The following INPP4B variants were observed in gnomAD, a reference collection of about 807,000 sequenced individuals.
INPP4B encodes the protein inositol polyphosphate 4-phosphatase type II.
A neutral mutation model predicts 122.5 loss-of-function variants in INPP4B; 55 were observed. That is an observed-to-expected ratio of 0.45 (90% CI 0.36 to 0.56). The LOEUF (loss-of-function observed/expected upper bound fraction) is 0.56, where lower values mean the gene tolerates loss of function less well. INPP4B is among the 20% of genes least tolerant of loss of function. The pLI is 0.00. For missense variants in INPP4B, 1,000 were observed against 1,097.7 expected (o/e 0.91, Z 1.26); for synonymous variants, 403 against 388.7 (o/e 1.04, Z -0.43).
intron 11 of INPP4B, among the ~76,000 whole-genome samples, chr4:142,242,877 T>C (rs1457478104): frequency 6.6e-6 from 1 of 152,174 alleles, no homozygotes. Context: ...ATGAGCTTTA[T>C]GTGTGGGGGG....
intron 9 of INPP4B, among the ~76,000 whole-genome samples, chr4:142,279,576 A>T (rs1750227826): frequency 6.6e-6 from 1 of 151,938 alleles, no homozygotes; most frequent in Non-Finnish European, 1.5e-5. Context: ...AACTTTACAA[A>T]TTAAACAAAA....
chr4:142,387,639 C>T (rs920779182), intron 7 of INPP4B, among the ~76,000 whole-genome samples: 1 of 152,086 alleles, frequency 6.6e-6, no homozygotes, highest in Non-Finnish European at 1.5e-5. Flanking sequence ...TCTTATCAGT[C>T]ACACTTCTAG....
intron 2 of INPP4B, among the ~76,000 whole-genome samples, chr4:142,502,519 G>C (rs185892567): frequency 6.6e-6 from 1 of 151,908 alleles, no homozygotes; most frequent in South Asian, 2.1e-4. Context: ...ATAGAGTTTC[G>C]CTCTTGTCAC....
chr4:142,798,494 T>C (rs898860690), intron 1 of INPP4B, among the ~76,000 whole-genome samples: 1 of 151,918 alleles, frequency 6.6e-6, no homozygotes, highest in African/African-American at 2.4e-5. Context: ...TGTTGGAAGA[T>C]GGAGTTAAGT....
intron 2 of INPP4B, among the ~76,000 whole-genome samples, chr4:142,708,780 C>T (rs913563565): frequency 1.3e-5 from 2 of 152,120 alleles, no homozygotes; most frequent in East Asian, 1.9e-4. Flanking sequence ...GTAAATGTGG[C>T]GTGAGAGGCC....
At chr4:142,414,689 C>G (rs1321927636) in intron 5 of INPP4B, among the ~76,000 whole-genome samples, 2 of 152,188 alleles carry the variant, frequency 1.3e-5, no homozygotes, top group Non-Finnish European at 2.9e-5. Flanking sequence ...GTGGCTGAGA[C>G]TCCATCCTCA....
chr4:142,187,298 GTTCT>G (rs1195508795), intron 15 of INPP4B, among the ~76,000 whole-genome samples: 6 of 151,730 alleles, frequency 4.0e-5, no homozygotes, highest in African/African-American at 7.3e-5. Flanking sequence ...GACAGAGAAT[GTTCT>G]TTCTGAAAAG....
At chr4:142,660,691 G>A (rs1174119147) in intron 2 of INPP4B, 1 of 152,070 alleles carries the variant, frequency 6.6e-6, no homozygotes, top group African/African-American at 2.4e-5. Flanking sequence ...CTGGTAAAGG[G>A]CCTCAGGATT....
At chr4:142,135,897 C>T (rs533967142) in intron 18 of INPP4B, among the ~76,000 whole-genome samples, 66 of 119,994 alleles carry the variant, frequency 5.5e-4, no homozygotes, top group South Asian at 4.5e-3. Flanking sequence ...CCCAGGTTCA[C>T]GCCATTCTCC....
intron 23 of INPP4B, 136 bp downstream of exon 23, chr4:142,107,957 T>C: frequency 1.7e-6 from 1 of 575,408 alleles, no homozygotes; most frequent in South Asian, 2.3e-5. Context: ...TCAGTCTTTT[T>C]GGATCAGATA....
At chr4:142,641,716 T>C (rs966453766) in intron 2 of INPP4B, among the ~76,000 whole-genome samples, 3 of 152,138 alleles carry the variant, frequency 2.0e-5, no homozygotes, top group African/African-American at 4.8e-5. Context: ...TGAGTAGTGC[T>C]GCAATAAACA....
At chr4:142,818,891 T>C (rs1476909207) in intron 1 of INPP4B, among the ~76,000 whole-genome samples, 1 of 152,216 alleles carries the variant, frequency 6.6e-6, no homozygotes, top group Non-Finnish European at 1.5e-5. Context: ...TCCACTGATA[T>C]CATATTGGCT....
chr4:142,095,088 A>C (rs565238686), intron 23 of INPP4B, among the ~76,000 whole-genome samples: 18 of 152,130 alleles, frequency 1.2e-4, no homozygotes, highest in Non-Finnish European at 2.2e-4. Context: ...ATGTGCTCAC[A>C]CTGTTATTTT....
intron 23 of INPP4B, among the ~76,000 whole-genome samples, chr4:142,098,253 C>T (rs1395639367): frequency 2.0e-5 from 3 of 151,904 alleles, no homozygotes; most frequent in Middle Eastern, 6.8e-3. Flanking sequence ...TGAGAGAAAG[C>T]GGTGGAGAAG....
At chr4:142,298,409 A>T (rs1759767052) in intron 9 of INPP4B, among the ~76,000 whole-genome samples, 1 of 152,036 alleles carries the variant, frequency 6.6e-6, no homozygotes, top group Non-Finnish European at 1.5e-5. Flanking sequence ...TGATCAGGCC[A>T]TGCGCGGTGG....
In INPP4B at chr4:142,023,882, TA is replaced by T. The variant is rs1307032004; in HGVS notation, c.*4899del. On this transcript the variant is annotated 3_prime_UTR_variant, in exon 26 of 26. Transcript: ENST00000262992. ...CTCAATTGTAAATCTTTTAAAAATTTAAAATTCTAAGTATGCATGCAATCTG... is the reference window on the plus strand; with the variant it reads ...CTCAATTGTAAATCTTTTAAAAATTTAAATTCTAAGTATGCATGCAATCTG... The T allele has an allele frequency of 6.6e-6, 1 of 152,184 alleles. No individual in the cohort carries two copies. Among genetic ancestry groups the T allele is most frequent in the Non-Finnish European group, 1.5e-5 (1 of 68,032 alleles). 9.4% of individuals were successfully genotyped at this position (152,184 alleles called of 1,614,324 possible).
chr4:142,356,770 G>A lies in INPP4B; in HGVS notation c.373-42008C>T, dbSNP rs4621511. Among the ~76,000 whole-genome samples, 499 of 151,916 alleles carry A rather than the reference G, an allele frequency of 3.3e-3. 4 individuals carry two copies. Among genetic ancestry groups the A allele is most frequent in the Non-Finnish European group, 5.1e-3 (349 of 67,886 alleles). On this transcript the variant is annotated intron_variant, in intron 7 of 25. Coordinates refer to ENST00000262992, the MANE Select transcript of INPP4B (RefSeq NM_001101669.3). ...TGATCAGAGGGTCTTTTATTCTAATGAGGTGACTCTTGGTGGGATGCTGGA... is the reference window on the plus strand; with the variant it reads ...TGATCAGAGGGTCTTTTATTCTAATAAGGTGACTCTTGGTGGGATGCTGGA...
chr4:142,608,302 ACT>A (rs970840519), intron 2 of INPP4B, among the ~76,000 whole-genome samples: 1 of 152,022 alleles, frequency 6.6e-6, no homozygotes, highest in African/African-American at 2.4e-5. Flanking sequence ...AAAGGCAATT[ACT>A]CTCTCACCTT....
At chr4:142,221,076 G>A (rs1008742694) in intron 12 of INPP4B, among the ~76,000 whole-genome samples, 2 of 152,036 alleles carry the variant, frequency 1.3e-5, no homozygotes, top group Non-Finnish European at 2.9e-5. Context: ...GCTTTAAACT[G>A]CTATGCTGTG....
Sources: allele counts gnomAD v4.1 joint callset (sites outside exome capture counted in the v4.1 genomes callset), GRCh38; gene constraint gnomAD v4.1.1; transcripts MANE v1.5; gene names NCBI Gene and HGNC (gene_info 2026-07-23, HGNC 2026-07-21).